Variants in TMEM178B observed in about 807,000 individuals in gnomAD.
TMEM178B encodes transmembrane protein 178B.
A neutral mutation model predicts 31.0 loss-of-function variants in TMEM178B; 5 were observed. The observed-to-expected ratio is 0.16, with a 90% CI of 0.08 to 0.34. The LOEUF is 0.34. TMEM178B is among the 10% of genes least tolerant of loss of function. The pLI is 1.00. For missense variants in TMEM178B, 275 were observed against 400.3 expected, an observed-to-expected ratio of 0.69 and a Z score of 2.67; for synonymous variants, 164 against 164.0, an observed-to-expected ratio of 1.00 and a Z score of 0.00.
intron 1 of TMEM178B, among the ~76,000 whole-genome samples, chr7:141,095,091 G>A (rs1794936205): frequency 6.6e-6 from 1 of 152,180 alleles, no homozygotes; most frequent in African/African-American, 2.4e-5. Context: ...ACATTTATAG[G>A]CAGCCACTTT....
At chr7:141,321,176 C>A (rs1799092307) in intron 2 of TMEM178B, among the ~76,000 whole-genome samples, 1 of 152,178 alleles carries the variant, frequency 6.6e-6, no homozygotes, top group African/African-American at 2.4e-5. Flanking sequence ...TAGCCAACAC[C>A]AAGCACACAT....
chr7:141,078,266 A>G (rs1321938167), intron 1 of TMEM178B, among the ~76,000 whole-genome samples: 2 of 152,160 alleles, frequency 1.3e-5, no homozygotes, highest in African/African-American at 4.8e-5. Flanking sequence ...GGAAAATTAT[A>G]TTATTTGGTT....
intron 2 of TMEM178B, among the ~76,000 whole-genome samples, chr7:141,337,711 T>C (rs1157416856): frequency 2.0e-5 from 3 of 152,224 alleles, no homozygotes; most frequent in Non-Finnish European, 4.4e-5. Context: ...TTTTCCTATA[T>C]AGGTCAGTGC....
At chr7:141,113,074 A>G (rs1301215385) in intron 1 of TMEM178B, among the ~76,000 whole-genome samples, 2 of 152,328 alleles carry the variant, frequency 1.3e-5, no homozygotes, top group Non-Finnish European at 2.9e-5. Context: ...CAATTCAGAG[A>G]CAGCAGGAAC....
intron 2 of TMEM178B, among the ~76,000 whole-genome samples, chr7:141,412,187 G>A (rs988199449): frequency 1.3e-5 from 2 of 152,148 alleles, no homozygotes; most frequent in Admixed American, 6.5e-5. Context: ...AGGTCATTAC[G>A]ACAATTAAAC....
chr7:141,216,423 C>CTGTGTGTGTGTGTGTGTGTG lies in TMEM178B; in HGVS notation c.496+3726_496+3745dup, dbSNP rs575369422. Among the ~76,000 whole-genome samples the CTGTGTGTGTGTGTGTGTGTG allele has an allele frequency of 1.3e-3, 116 of 89,410 alleles. 4 individuals are homozygous for CTGTGTGTGTGTGTGTGTGTG. The highest frequency in any genetic ancestry group is 3.8e-3 in the African/African-American group (101 of 26,504). 58.7% of individuals were successfully genotyped at this position (89,410 alleles called of 152,430 possible). ...GGGAGTAAAGGCCAGAGGATGAAGC[C>CTGTGTGTGTGTGTGTGTGTG]TGTGTGTGTGTGTGTGTGTGTGTGT... On this transcript the variant is annotated intron_variant, in intron 2 of 3. Coordinates refer to ENST00000565468, the MANE Select transcript of TMEM178B (RefSeq NM_001195278.2).
chr7:141,155,966 G>A (rs1304411960), intron 1 of TMEM178B, among the ~76,000 whole-genome samples: 1 of 152,182 alleles, frequency 6.6e-6, no homozygotes, highest in Non-Finnish European at 1.5e-5. Flanking sequence ...TTGAGAGGCT[G>A]AGGCAGGAGA....
At chr7:141,256,437 A>G (rs1000972565) in intron 2 of TMEM178B, among the ~76,000 whole-genome samples, 1 of 152,224 alleles carries the variant, frequency 6.6e-6, no homozygotes, top group Non-Finnish European at 1.5e-5. Context: ...GCCCTAAGGC[A>G]GGAGGTACTT....
At chr7:141,193,592 C>T (rs1167017387) in intron 1 of TMEM178B, among the ~76,000 whole-genome samples, 1 of 152,220 alleles carries the variant, frequency 6.6e-6, no homozygotes, top group Non-Finnish European at 1.5e-5. Flanking sequence ...AGGGCAAGCA[C>T]AGTGTGCAGG....
chr7:141,293,442 G>A (rs921250146), intron 2 of TMEM178B, among the ~76,000 whole-genome samples: 1 of 152,090 alleles, frequency 6.6e-6, no homozygotes, highest in African/African-American at 2.4e-5. Context: ...GCTTTTTCTG[G>A]GTAAAAAGTG....
At chr7:141,117,343 C>T (rs192208488) in intron 1 of TMEM178B, among the ~76,000 whole-genome samples, 283 of 152,238 alleles carry the variant, frequency 1.9e-3, no homozygotes, top group African/African-American at 6.4e-3. Flanking sequence ...ATATCCTTTG[C>T]CCACTTTTTG....
intron 1 of TMEM178B, among the ~76,000 whole-genome samples, chr7:141,175,897 C>A (rs1796425611): frequency 6.6e-6 from 1 of 152,304 alleles, no homozygotes; most frequent in African/African-American, 2.4e-5. Context: ...AACATGTCAT[C>A]TGCAAGCAGA....
intron 2 of TMEM178B, among the ~76,000 whole-genome samples, chr7:141,402,416 C>T (rs796812370): frequency 1.3e-4 from 20 of 152,328 alleles, no homozygotes; most frequent in African/African-American, 4.6e-4. Flanking sequence ...TTCCCTCCCC[C>T]TGCTGCTCAT....
intron 2 of TMEM178B, among the ~76,000 whole-genome samples, chr7:141,371,450 G>A (rs1230365310): frequency 2.6e-5 from 4 of 152,142 alleles, no homozygotes; most frequent in Non-Finnish European, 5.9e-5. Flanking sequence ...TATACAACCT[G>A]CAGAACCAGA....
At chr7:141,490,093 T>C in the TMEM178B span, among the ~76,000 whole-genome samples, 1 of 152,144 alleles carries the variant, frequency 6.6e-6, no homozygotes, top group Non-Finnish European at 1.5e-5. Flanking sequence ...GGAGAGATGA[T>C]TTGCAGAGTC....
chr7:141,281,268 A>G (rs1277376488), intron 2 of TMEM178B, among the ~76,000 whole-genome samples: 2 of 152,182 alleles, frequency 1.3e-5, no homozygotes. Flanking sequence ...TGCCTCAGGG[A>G]TAGGCTTGCT....
At chr7:141,334,639 AG>A (rs1319690711) in intron 2 of TMEM178B, among the ~76,000 whole-genome samples, 1 of 152,204 alleles carries the variant, frequency 6.6e-6, no homozygotes, top group Non-Finnish European at 1.5e-5. Context: ...AGGTGAAGAA[AG>A]CCCCACATAG....
chr7:141,450,357 G>C (rs1025415813), intron 3 of TMEM178B, among the ~76,000 whole-genome samples: 3 of 152,220 alleles, frequency 2.0e-5, no homozygotes, highest in African/African-American at 4.8e-5. Flanking sequence ...TGCTGTGGAA[G>C]AGAAAATAAA....
At chr7:141,298,480 T>C (rs1372987281) in intron 2 of TMEM178B, among the ~76,000 whole-genome samples, 1 of 152,242 alleles carries the variant, frequency 6.6e-6, no homozygotes, top group African/African-American at 2.4e-5. Context: ...TGAACTCCAA[T>C]AGAGTAGCTG....
Sources: allele counts gnomAD v4.1 joint callset (sites outside exome capture counted in the v4.1 genomes callset), GRCh38; gene constraint gnomAD v4.1.1; transcripts MANE v1.5; gene names NCBI Gene and HGNC (gene_info 2026-07-23, HGNC 2026-07-21).